The following MTRF1 variants were observed in gnomAD, a reference collection of about 807,000 sequenced individuals.
MTRF1 encodes the protein peptide chain release factor 1, mitochondrial.
A neutral mutation model predicts 62.9 loss-of-function variants in MTRF1; 51 were observed. The ratio of observed to expected loss-of-function variants is 0.81; its 90% confidence interval spans 0.65 to 1.02. The LOEUF (loss-of-function observed/expected upper bound fraction) is 1.02. Ranked by LOEUF, MTRF1 falls within the 50% of genes least tolerant of loss-of-function variation. The probability of loss-of-function intolerance (pLI) is 0.00; values close to 1 mark genes in which losing one functional copy is unlikely to be tolerated. For synonymous variants in MTRF1, 158 were observed against 181.9 expected, an observed-to-expected ratio of 0.87 and a Z score of 1.06; for missense variants, 446 against 530.0, an observed-to-expected ratio of 0.84 and a Z score of 1.56.
chr13:41,243,404 C>CAA (rs371273057), intron 5 of MTRF1, among the ~76,000 whole-genome samples: 1,717 of 76,198 alleles, frequency 0.023, 43 homozygotes, highest in Admixed American at 0.025. Flanking sequence ...GACCCTGTCT[C>CAA]AAAAAAAAAA....
At chr13:41,259,712 A>AAAC (rs2040194158) in intron 2 of MTRF1, among the ~76,000 whole-genome samples, 3 of 136,766 alleles carry the variant, frequency 2.2e-5, no homozygotes, top group African/African-American at 5.5e-5. Flanking sequence ...AAAAAAAAAA[A>AAAC]AAAAAAAAAC....
chr13:41,262,751 A>C (rs1333796902), intron 1 of MTRF1, among the ~76,000 whole-genome samples: 2 of 152,216 alleles, frequency 1.3e-5, no homozygotes, highest in Non-Finnish European at 2.9e-5. Context: ...ACTTGAGCCA[A>C]GGAGTTCAAG....
the MTRF1 span, among the ~76,000 whole-genome samples, chr13:41,286,351 A>G: frequency 2.0e-5 from 3 of 152,210 alleles, no homozygotes; most frequent in African/African-American, 4.8e-5. Context: ...CACTTGATCC[A>G]CTACATAGTT....
the MTRF1 span, among the ~76,000 whole-genome samples, chr13:41,307,482 G>C: frequency 6.6e-6 from 1 of 152,026 alleles, no homozygotes; most frequent in African/African-American, 2.4e-5. Context: ...AAATTAGCTG[G>C]GCATGGCGGT....
intron 1 of MTRF1, among the ~76,000 whole-genome samples, chr13:41,262,860 G>A (rs1281271085): frequency 6.6e-6 from 1 of 152,186 alleles, no homozygotes; most frequent in Non-Finnish European, 1.5e-5. Context: ...ACTATGCTAG[G>A]AGGTGCATTG....
chr13:41,223,504 C>G, intron 8 of MTRF1, 150 bp from the exon 9 acceptor site: 1 of 633,494 alleles, frequency 1.6e-6, no homozygotes, highest in Admixed American at 2.8e-5. Flanking sequence ...ATGGGCAGAA[C>G]TTAATGTTTA....
intron 5 of MTRF1, among the ~76,000 whole-genome samples, chr13:41,240,988 CT>C (rs1357508838): frequency 1.3e-5 from 2 of 152,118 alleles, no homozygotes; most frequent in African/African-American, 4.8e-5. Flanking sequence ...TCAGCTCTTG[CT>C]TATCTATGGA....
chr13:41,283,595 T>TTTTTC, the MTRF1 span, among the ~76,000 whole-genome samples: 1 of 131,320 alleles, frequency 7.6e-6, no homozygotes, highest in South Asian at 2.7e-4. Flanking sequence ...CTTTTTTTTT[T>TTTTTC]TTTTTTTTTT....
the MTRF1 span, among the ~76,000 whole-genome samples, chr13:41,307,690 T>C: frequency 1.3e-5 from 2 of 152,126 alleles, no homozygotes; most frequent in Admixed American, 6.6e-5. Context: ...ATGTGCCTGC[T>C]TCCCGTTTGC....
chr13:41,262,784 G>C lies in MTRF1; in HGVS notation c.-9+701C>G, dbSNP rs957477882. 3.9e-5 allele frequency among the ~76,000 whole-genome samples: 6 copies of C among 152,134 alleles called. No homozygotes were observed. In the South Asian group the frequency reaches 8.3e-4, roughly 21 times the overall value. On this transcript the variant is annotated intron_variant, in intron 1 of 9. Transcript: ENST00000379480. ...AAGGCCAGCCTGGGCAACACAGTGA[G>C]ACTCAACTCAAAAAAAGAAGGATCA...
rs192671714 is a variant in MTRF1 at position 41,249,485 on chromosome 13, G to A, written c.697+3160C>T. ...GAACCTGGGAGGCGGAGCTTGCAGT[G>A]AGCTGATATCACGCCACTGCACTCC... On this transcript the variant is annotated intron_variant, in intron 5 of 9. Transcript: ENST00000379480. 1.2e-3 allele frequency among the ~76,000 whole-genome samples: 189 copies of A among 152,084 alleles called. 2 individuals are homozygous for A. The highest frequency in any genetic ancestry group is 4.4e-3 in the African/African-American group (183 of 41,500).
the MTRF1 span, among the ~76,000 whole-genome samples, chr13:41,284,029 A>G: frequency 7.2e-6 from 1 of 138,490 alleles, no homozygotes; most frequent in East Asian, 2.5e-4. Flanking sequence ...GTAAGACGCA[A>G]CCACATTACA....
the MTRF1 span, among the ~76,000 whole-genome samples, chr13:41,284,441 C>G: frequency 9.0e-4 from 135 of 149,874 alleles, no homozygotes; most frequent in South Asian, 2.3e-3. Context: ...AGAGATTGCA[C>G]TCTAGCTTGG....
At chr13:41,263,594 C>G (rs115348548), upstream of MTRF1, 1 of 194,662 alleles carries the variant, frequency 5.1e-6, no homozygotes, top group Non-Finnish European at 1.1e-5. Flanking sequence ...TCCTGGTTCA[C>G]TTCTTCCGGG....
At chr13:41,253,058 A>G (rs745510560) in intron 3 of MTRF1, 28 bp from the exon 4 acceptor site, 5 of 1,520,866 alleles carry the variant, frequency 3.3e-6, no homozygotes, top group Non-Finnish European at 4.5e-6. Flanking sequence ...ATTTGTGTGT[A>G]TATTTTCCCC....
At chr13:41,292,295 T>C in the MTRF1 span, among the ~76,000 whole-genome samples, 1 of 152,046 alleles carries the variant, frequency 6.6e-6, no homozygotes, top group African/African-American at 2.4e-5. Flanking sequence ...CATTAAAAAT[T>C]TGACCTTGGC....
the MTRF1 span, among the ~76,000 whole-genome samples, chr13:41,301,308 C>A: frequency 6.6e-6 from 1 of 152,122 alleles, no homozygotes; most frequent in Non-Finnish European, 1.5e-5. Context: ...GGAGAAAAGG[C>A]ATACACAATT....
upstream of MTRF1, among the ~76,000 whole-genome samples, chr13:41,267,827 T>A (rs2040857547): frequency 6.6e-6 from 1 of 151,224 alleles, no homozygotes; most frequent in Non-Finnish European, 1.5e-5. Context: ...GATTCACCAC[T>A]GCATTCCAGC....
At chr13:41,283,395 A>G in the MTRF1 span, among the ~76,000 whole-genome samples, 8,012 of 152,216 alleles carry the variant, frequency 0.053, 282 homozygotes, top group Non-Finnish European at 0.074. Context: ...TTAATGTCCC[A>G]TATCAAGGTA....
Sources: allele counts gnomAD v4.1 joint callset (sites outside exome capture counted in the v4.1 genomes callset), GRCh38; gene constraint gnomAD v4.1.1; transcripts MANE v1.5; gene names NCBI Gene and HGNC (gene_info 2026-07-23, HGNC 2026-07-21).